Variants in INVS observed in about 807,000 individuals in gnomAD.
INVS encodes the protein inversion of embryo turning homolog.
A neutral mutation model predicts 108.8 loss-of-function variants in INVS; 86 were observed. That is an observed-to-expected ratio of 0.79 (90% CI 0.66 to 0.95). The LOEUF (loss-of-function observed/expected upper bound fraction) is 0.95. Among genes scored for constraint, INVS ranks in the 40% least tolerant of loss-of-function variants. The probability of loss-of-function intolerance (pLI) is 0.00; values close to 1 mark genes in which losing one functional copy is unlikely to be tolerated. For missense variants in INVS, 1,169 were observed against 1,297.4 expected (o/e 0.90, Z 1.52); for synonymous variants, 455 against 473.5 (o/e 0.96, Z 0.51).
chr9:100,118,881 G>A (rs917570076), intron 2 of INVS, among the ~76,000 whole-genome samples: 12 of 151,934 alleles, frequency 7.9e-5, no homozygotes, highest in Non-Finnish European at 1.8e-4. Flanking sequence ...GGCTGGCCTC[G>A]AACTCCTGAC....
At chr9:100,177,245 C>T (rs574819597) in intron 3 of INVS, among the ~76,000 whole-genome samples, 5 of 152,140 alleles carry the variant, frequency 3.3e-5, no homozygotes, top group Non-Finnish European at 7.4e-5. Flanking sequence ...CTTCATACCC[C>T]AGTGGTGCCT....
intron 3 of INVS, among the ~76,000 whole-genome samples, chr9:100,163,864 C>T (rs1829271579): frequency 6.6e-6 from 1 of 152,104 alleles, no homozygotes; most frequent in Admixed American, 6.6e-5. Context: ...CACAGAAGGC[C>T]TGTATGCTAT....
chr9:100,278,126 A>G (rs1403561858), intron 12 of INVS, among the ~76,000 whole-genome samples: 2 of 150,020 alleles, frequency 1.3e-5, no homozygotes, highest in African/African-American at 4.9e-5. Flanking sequence ...AGTCCCAGCT[A>G]CTAGGGAGGT....
At chr9:100,103,582 C>T (rs772476513) in intron 1 of INVS, among the ~76,000 whole-genome samples, 2 of 151,572 alleles carry the variant, frequency 1.3e-5, no homozygotes, top group Non-Finnish European at 2.9e-5. Flanking sequence ...GAGCTGACAT[C>T]GCACCACTGC....
At chr9:100,103,924 A>T (rs1490474738) in intron 1 of INVS, among the ~76,000 whole-genome samples, 4 of 151,390 alleles carry the variant, frequency 2.6e-5, no homozygotes, top group Non-Finnish European at 5.9e-5. Flanking sequence ...TTTATGTTAT[A>T]CTCTTTTTGT....
intron 3 of INVS, among the ~76,000 whole-genome samples, chr9:100,179,722 TAGAA>T (rs1829823355): frequency 2.0e-5 from 3 of 152,030 alleles, no homozygotes; most frequent in African/African-American, 7.2e-5. Flanking sequence ...CTGTCAATAT[TAGAA>T]AGATCAATGC....
chr9:100,223,223 T>C (rs1007893571), intron 3 of INVS, among the ~76,000 whole-genome samples: 1 of 151,864 alleles, frequency 6.6e-6, no homozygotes, highest in Non-Finnish European at 1.5e-5. Context: ...CCCTCCCGAG[T>C]AGCTGGAACC....
intron 2 of INVS, among the ~76,000 whole-genome samples, chr9:100,105,850 C>CTTTTTTTTTTTTTTT (rs543070811): frequency 6.3e-5 from 4 of 63,832 alleles, no homozygotes; most frequent in Non-Finnish European, 8.5e-5. Context: ...GAAAAATTCC[C>CTTTTTTTTTTTTTTT]TTTTTTTTTT....
At position 100,302,099 on chromosome 9, in the gene INVS, G is replaced by A. The variant is rs1833993106; in HGVS notation, c.*1425G>A. 5.4e-6 allele frequency: 4 copies of A among 745,468 alleles called. No individual in the cohort carries two copies. Among genetic ancestry groups the A allele is most frequent in the Admixed American group, 5.4e-5 (2 of 36,848 alleles). 46.2% of individuals were successfully genotyped at this position (745,468 alleles called of 1,614,324 possible). On this transcript the variant is annotated 3_prime_UTR_variant, in exon 17 of 17. Coordinates refer to ENST00000262457, the MANE Select transcript of INVS (RefSeq NM_014425.5). ...GTTCGTAAACTTCTTTAAAAGTTCA[G>A]CTTTAATGACAAAGATCTATTACAT... is the stretch of plus-strand genomic sequence containing the variant.
rs375031657 is a variant in INVS, at chr9:100,293,021, G to C, written c.2764G>C (p.Val922Leu). 95 of 1,613,912 alleles carry C rather than the reference G, an allele frequency of 5.9e-5. No homozygotes were observed. The highest frequency in any genetic ancestry group is 8.3e-5 in the Admixed American group (5 of 60,016). Residue 922 changes from valine (V) to leucine (L), a missense_variant, in exon 14 of 17, where the codon GTC (valine) becomes CTC (leucine). Val to Leu is a conservative substitution (Grantham distance 32). This residue lies in a region of INVS where 533 missense variants were observed against 536.0 expected (regional missense o/e 0.99). Coordinates refer to ENST00000262457, the MANE Select transcript of INVS (RefSeq NM_014425.5). ...TCGCAAAAAGAACAAGGCAGCAGCA[G>C]TCATCCAGCGCGCCTGGCGAAGGTA... ...LFRKKNKAAA[V>L]IQRAWRSYQL...
chr9:100,231,893 G>A (rs1371861549), intron 5 of INVS, among the ~76,000 whole-genome samples: 1 of 152,108 alleles, frequency 6.6e-6, no homozygotes, highest in Non-Finnish European at 1.5e-5. Context: ...TGGGTCAAAT[G>A]GTATTTCTGG....
chr9:100,158,325 A>G (rs971174305), intron 3 of INVS, among the ~76,000 whole-genome samples: 2 of 152,174 alleles, frequency 1.3e-5, no homozygotes, highest in African/African-American at 4.8e-5. Context: ...AAAAAAATAT[A>G]TTTTCATTTA....
intron 14 of INVS, 124 bp from the exon 15 acceptor site, chr9:100,296,793 G>A: frequency 1.3e-6 from 1 of 758,090 alleles, no homozygotes; most frequent in Non-Finnish European, 2.3e-6. Context: ...TTAGGAATGG[G>A]AGCTTGAATG....
intron 2 of INVS, among the ~76,000 whole-genome samples, chr9:100,109,700 T>C (rs534957678): frequency 8.3e-4 from 126 of 152,334 alleles, no homozygotes; most frequent in Non-Finnish European, 1.6e-3. Context: ...AGTTTCACTC[T>C]TGTTGCCCAG....
chr9:100,268,006 T>C (rs1381746245), intron 11 of INVS, among the ~76,000 whole-genome samples: 1 of 152,148 alleles, frequency 6.6e-6, no homozygotes, highest in East Asian at 1.9e-4. Context: ...CACATAGAGA[T>C]GAAGATGTTA....
chr9:100,288,581 C>T (rs1588147818), intron 13 of INVS, among the ~76,000 whole-genome samples: 1 of 151,784 alleles, frequency 6.6e-6, no homozygotes, highest in East Asian at 1.9e-4. Context: ...TTATGTACCA[C>T]CTCAAATATT....
intron 5 of INVS, 117 bp downstream of exon 5, chr9:100,229,944 C>A: frequency 1.0e-6 from 1 of 959,200 alleles, no homozygotes; most frequent in Non-Finnish European, 1.6e-6. Flanking sequence ...CAAAAGAATA[C>A]AACAGACATA....
chr9:100,124,210 G>T (rs955466181), intron 2 of INVS, among the ~76,000 whole-genome samples: 1 of 150,916 alleles, frequency 6.6e-6, no homozygotes, highest in African/African-American at 2.5e-5. Context: ...GTGTGTGTGT[G>T]TGTGTATGAT....
chr9:100,132,471 T>A (rs1828082788), intron 3 of INVS, among the ~76,000 whole-genome samples: 1 of 152,234 alleles, frequency 6.6e-6, no homozygotes, highest in Non-Finnish European at 1.5e-5. Flanking sequence ...ATCTATAAAA[T>A]GGAATAATAC....
Sources: gnomAD v4.1 joint callset for allele counts (sites outside exome capture counted in the v4.1 genomes callset) on GRCh38, gnomAD v4.1.1 for gene constraint, gnomAD v4.1.1 regional missense constraint, MANE v1.5 for transcripts, NCBI Gene and HGNC (gene_info 2026-07-23, HGNC 2026-07-21) for gene names.